Variants in SLC44A5 observed in about 807,000 individuals in gnomAD.
The protein encoded by SLC44A5 is choline transporter-like protein 5.
SLC44A5 carries 57 observed loss-of-function variants against 101.8 expected under a neutral mutation model. The observed-to-expected ratio is 0.56, with a 90% CI of 0.45 to 0.70. The LOEUF is 0.70. Among genes scored for constraint, SLC44A5 ranks in the 30% least tolerant of loss-of-function variants. The pLI is 0.00. For synonymous variants in SLC44A5, 281 were observed against 290.9 expected (o/e 0.97, Z 0.35); for missense variants, 737 against 853.1 (o/e 0.86, Z 1.70).
intron 3 of SLC44A5, chr1:75,353,947 C>G: frequency 1.0e-5 from 3 of 290,346 alleles, no homozygotes; most frequent in Non-Finnish European, 2.0e-5. Flanking sequence ...AGAACCTATT[C>G]TCAACACTTT....
At chr1:75,696,232 T>C in the SLC44A5 span, among the ~76,000 whole-genome samples, 5 of 152,292 alleles carry the variant, frequency 3.3e-5, no homozygotes, top group East Asian at 9.7e-4. Context: ...TATGGTGCAC[T>C]TGTCTTAAAG....
intron 2 of SLC44A5, among the ~76,000 whole-genome samples, chr1:75,480,875 A>C (rs959542627): frequency 4.6e-5 from 7 of 152,202 alleles, no homozygotes; most frequent in African/African-American, 1.4e-4. Context: ...GCTACCAATG[A>C]CTTTCTTCAC....
intron 5 of SLC44A5, among the ~76,000 whole-genome samples, chr1:75,295,190 C>G (rs568488952): frequency 1.4e-5 from 2 of 146,904 alleles, no homozygotes; most frequent in African/African-American, 4.9e-5. Context: ...GCTCATAAAG[C>G]TAAAAAATTA....
chr1:75,271,497 T>TTTTTTTTGTGTGTGTGTGTG (rs1553152601), intron 6 of SLC44A5, among the ~76,000 whole-genome samples: 9 of 146,304 alleles, frequency 6.2e-5, no homozygotes, highest in African/African-American at 1.0e-4. Flanking sequence ...TCTGCATGTT[T>TTTTTTTTGTGTGTGTGTGTG]TGTGTGTGTG....
intron 5 of SLC44A5, among the ~76,000 whole-genome samples, chr1:75,279,191 A>G (rs188115937): frequency 1.3e-5 from 2 of 152,056 alleles, no homozygotes; most frequent in East Asian, 3.9e-4. Flanking sequence ...ACTTCTCTTC[A>G]TCTCTCCCTC....
At chr1:75,221,426 C>G (rs1233046919) in intron 14 of SLC44A5, among the ~76,000 whole-genome samples, 1 of 152,110 alleles carries the variant, frequency 6.6e-6, no homozygotes, top group Non-Finnish European at 1.5e-5. Flanking sequence ...GTTATTATCT[C>G]TTGGCATGAA....
chr1:75,302,111 T>TTTTTC (rs1654509005), intron 4 of SLC44A5, among the ~76,000 whole-genome samples: 1 of 111,524 alleles, frequency 9.0e-6, no homozygotes, highest in Non-Finnish European at 1.8e-5. Context: ...CTAGTTTTTT[T>TTTTTC]GTTTTTTTTT....
chr1:75,707,259 A>G, the SLC44A5 span, among the ~76,000 whole-genome samples: 1 of 152,222 alleles, frequency 6.6e-6, no homozygotes, highest in Admixed American at 6.5e-5. Flanking sequence ...CAGCTAGGTG[A>G]CTGCCTGGCT....
intron 2 of SLC44A5, among the ~76,000 whole-genome samples, chr1:75,465,245 T>C (rs1001187070): frequency 6.6e-6 from 1 of 152,122 alleles, no homozygotes; most frequent in African/African-American, 2.4e-5. Context: ...TCTTGGAAAC[T>C]ATACAAATGC....
At position 75,510,934 on chromosome 1, in the gene SLC44A5, A is replaced by T. The variant is rs143715146; in HGVS notation, c.13+30501T>A. 5.8e-3 allele frequency among the ~76,000 whole-genome samples: 883 copies of T among 152,302 alleles called. 4 individuals are homozygous for T. The highest frequency in any genetic ancestry group is 0.02 in the African/African-American group (847 of 41,570). ...GAGGCAGGTGGATGACGAGGTTAGG[A>T]GATCGAGACCATCCTGGCTAACACG... On this transcript the variant is annotated intron_variant, in intron 2 of 23. Transcript: ENST00000370859.
At chr1:75,321,741 T>G (rs1656166097) in intron 4 of SLC44A5, among the ~76,000 whole-genome samples, 1 of 152,238 alleles carries the variant, frequency 6.6e-6, no homozygotes, top group Admixed American at 6.5e-5. Flanking sequence ...ATTTTAAAAA[T>G]CATGCTTTAT....
chr1:75,704,080 C>T, the SLC44A5 span, among the ~76,000 whole-genome samples: 8 of 151,910 alleles, frequency 5.3e-5, no homozygotes, highest in Non-Finnish European at 2.9e-5. Context: ...CAGGGAGAAA[C>T]TAATGAATCA....
chr1:75,717,065 G>A, the SLC44A5 span, among the ~76,000 whole-genome samples: 1 of 151,692 alleles, frequency 6.6e-6, no homozygotes, highest in Admixed American at 6.6e-5. Flanking sequence ...AATAAAATAT[G>A]GTACATATAT....
intron 3 of SLC44A5, among the ~76,000 whole-genome samples, chr1:75,359,080 T>G (rs542192117): frequency 1.9e-4 from 29 of 152,210 alleles, no homozygotes; most frequent in African/African-American, 7.0e-4. Flanking sequence ...GTAAGTGAGA[T>G]CTTGCAGTAT....
intron 1 of SLC44A5, among the ~76,000 whole-genome samples, chr1:75,564,320 G>A (rs1672671365): frequency 6.6e-6 from 1 of 152,122 alleles, no homozygotes; most frequent in Admixed American, 6.6e-5. Context: ...CTGGGGTAAA[G>A]AAAGAGCAAA....
chr1:75,216,369 A>G (rs756417057), intron 18 of SLC44A5, among the ~76,000 whole-genome samples: 4 of 151,914 alleles, frequency 2.6e-5, no homozygotes, highest in Non-Finnish European at 5.9e-5. Flanking sequence ...GGTTGTTTAT[A>G]CCTTCTGGCT....
the SLC44A5 span, among the ~76,000 whole-genome samples, chr1:75,656,733 T>C: frequency 6.6e-6 from 1 of 152,088 alleles, no homozygotes; most frequent in African/African-American, 2.4e-5. Context: ...ACTTATTTAC[T>C]AAGGAATACA....
chr1:75,371,034 C>T (rs1234945179), intron 3 of SLC44A5, among the ~76,000 whole-genome samples: 4 of 152,086 alleles, frequency 2.6e-5, no homozygotes, highest in African/African-American at 9.7e-5. Flanking sequence ...ACAGAGAAAA[C>T]TCCTCAGTTT....
chr1:75,720,931 GT>G, the SLC44A5 span, among the ~76,000 whole-genome samples: 1 of 152,162 alleles, frequency 6.6e-6, no homozygotes, highest in Non-Finnish European at 1.5e-5. Context: ...ACTTGGTTAA[GT>G]TTATCTAAAG....
Sources: allele counts gnomAD v4.1 joint callset (sites outside exome capture counted in the v4.1 genomes callset), GRCh38; gene constraint gnomAD v4.1.1; transcripts MANE v1.5; gene names NCBI Gene and HGNC (gene_info 2026-07-23, HGNC 2026-07-21).